The following COL19A1 variants were observed in gnomAD, a reference collection of about 807,000 sequenced individuals.
COL19A1 encodes the protein collagen type XIX alpha 1 chain.
A neutral mutation model predicts 190.2 loss-of-function variants in COL19A1; 159 were observed. That is an observed-to-expected ratio of 0.84 (90% CI 0.73 to 0.95). The LOEUF is 0.95. Among genes scored for constraint, COL19A1 ranks in the 40% least tolerant of loss-of-function variants. COL19A1 has a pLI of 0.00. For missense variants in COL19A1, 1,418 were observed against 1,431.9 expected, an observed-to-expected ratio of 0.99 and a Z score of 0.16; for synonymous variants, 509 against 458.9, an observed-to-expected ratio of 1.11 and a Z score of -1.39.
chr6:70,181,367 G>A (rs1287931404), intron 44 of COL19A1, among the ~76,000 whole-genome samples: 1 of 152,070 alleles, frequency 6.6e-6, no homozygotes, highest in African/African-American at 2.4e-5. Context: ...ATGGTTGAAA[G>A]GATTTTATGA....
chr6:69,909,846 T>C (rs1389860507), intron 4 of COL19A1, among the ~76,000 whole-genome samples: 1 of 152,152 alleles, frequency 6.6e-6, no homozygotes, highest in African/African-American at 2.4e-5. Flanking sequence ...TCTCATATGG[T>C]ATCATATAAT....
chr6:70,016,275 A>G (rs1241804119), intron 11 of COL19A1, among the ~76,000 whole-genome samples: 1 of 61,428 alleles, frequency 1.6e-5, no homozygotes. Flanking sequence ...TAGATGACAC[A>G]TTAGTGGGTG....
chr6:70,187,429 G>A (rs1387732655), intron 46 of COL19A1, among the ~76,000 whole-genome samples: 1 of 131,208 alleles, frequency 7.6e-6, no homozygotes, highest in African/African-American at 2.7e-5. Context: ...GGGGTGGGGA[G>A]AGCACATGAT....
rs148874017 is a variant in COL19A1, at chr6:70,163,683, G to C, written c.2400+287G>C. ...AACCATCTATGTGGAAGGATTGGGT[G>C]GGGGAGCCTCCTGGAAGGATGCAAG... On this transcript the variant is annotated intron_variant, in intron 36 of 50. Coordinates refer to ENST00000620364, the MANE Select transcript of COL19A1 (RefSeq NM_001858.6). Among the ~76,000 whole-genome samples, 233 of 152,296 alleles carry C rather than the reference G, an allele frequency of 1.5e-3. 1 individual carries two copies. Among genetic ancestry groups the C allele is most frequent in the Admixed American group, 2.2e-3 (34 of 15,288 alleles).
At position 70,144,218 on chromosome 6, in the gene COL19A1, A is replaced by G. The variant is rs945546194; in HGVS notation, c.1635A>G (p.Pro545=). 6.2e-7 allele frequency: 1 copy of G among 1,612,420 alleles called. No individual in the cohort carries two copies. Among genetic ancestry groups the G allele is most frequent in the Non-Finnish European group, 8.5e-7 (1 of 1,178,824 alleles). ...AACTCTGAGTTTTCTAGGGATTGCC[A>G]GGAGAACATGGTATCCCAGGAAAAC... ...PRGPPGDVGL[P]GEHGIPGKQG... The change falls in exon 24 of 51, where the codon CCA becomes CCG. Residue 545 remains proline, a synonymous_variant. Coordinates refer to ENST00000620364, the MANE Select transcript of COL19A1 (RefSeq NM_001858.6).
chr6:69,930,824 C>G (rs1772713985), intron 6 of COL19A1, among the ~76,000 whole-genome samples: 1 of 151,936 alleles, frequency 6.6e-6, no homozygotes, highest in Non-Finnish European at 1.5e-5. Flanking sequence ...AACAAACAAA[C>G]AAAAGAATTG....
intron 14 of COL19A1, among the ~76,000 whole-genome samples, chr6:70,065,853 A>G (rs941200912): frequency 2.0e-5 from 3 of 152,236 alleles, no homozygotes; most frequent in African/African-American, 7.2e-5. Context: ...CAGACACATG[A>G]AAAAATGCTC....
chr6:70,156,695 C>A lies in COL19A1; in HGVS notation c.2264C>A (p.Pro755His), dbSNP rs1394292352. 7 of 1,611,380 alleles carry A rather than the reference C, an allele frequency of 4.3e-6. No individual in the cohort carries two copies. The Admixed American group carries it at 1.2e-4, about 27-fold the overall frequency. The change falls in exon 34 of 51, where the codon CCT (proline) becomes CAT (histidine). Residue 755 changes from proline to histidine, a missense_variant. Pro to His is a moderately conservative substitution (Grantham distance 77). Coordinates refer to ENST00000620364, the MANE Select transcript of COL19A1 (RefSeq NM_001858.6). Reference sequence around the variant, plus strand: ...GGAAGCAAAGGAGAGCGGGGCTACCCTGGGATACCTGGGGAGAAAGGCGAT... The same window carrying A: ...GGAAGCAAAGGAGAGCGGGGCTACCATGGGATACCTGGGGAGAAAGGCGAT... The part of the protein sequence containing the change: ...PKGSKGERGY[P>H]GIPGEKGDEG...
chr6:69,912,020 C>T (rs770233197), intron 4 of COL19A1, among the ~76,000 whole-genome samples: 7 of 152,146 alleles, frequency 4.6e-5, no homozygotes, highest in East Asian at 1.9e-4. Context: ...TCATAGTTGC[C>T]GGTGACAGCT....
At position 70,171,941 on chromosome 6, in the gene COL19A1, T is replaced by C. The variant is rs181367096; in HGVS notation, c.2569-23T>C. 2.5e-6 allele frequency: 4 copies of C among 1,611,024 alleles called. 1 individual carries two copies. The Admixed American group carries it at 6.7e-5, about 27-fold the overall frequency. On this transcript the variant is annotated intron_variant, in intron 40 of 50. Transcript: ENST00000620364. ...AAACATTTTGATTATTGCTCCTGCA[T>C]TTCTTATGTTCATATTTAACAGGGA...
At chr6:70,086,892 A>G (rs1333620598) in intron 15 of COL19A1, among the ~76,000 whole-genome samples, 1 of 152,198 alleles carries the variant, frequency 6.6e-6, no homozygotes, top group Non-Finnish European at 1.5e-5. Flanking sequence ...TTGAGCACCT[A>G]TTGTTTGCCA....
Position 70,030,031 on chromosome 6 carries a change from C to T in COL19A1, c.1081-4214C>T, listed in dbSNP as rs149249822. Among the ~76,000 whole-genome samples, 472 of 152,316 alleles carry T rather than the reference C, an allele frequency of 3.1e-3. 1 individual carries two copies. Among genetic ancestry groups the T allele is most frequent in the Middle Eastern group, 6.8e-3 (2 of 294 alleles). ...TGATTATACATAAAAGGCCATTCGT[C>T]TTCTGACTCTGCTGAAATCCACATC... On this transcript the variant is annotated intron_variant, in intron 12 of 50. Coordinates refer to ENST00000620364, the MANE Select transcript of COL19A1 (RefSeq NM_001858.6).
chr6:70,032,012 A>G lies in COL19A1; in HGVS notation c.1081-2233A>G, dbSNP rs145060577. Among the ~76,000 whole-genome samples the G allele has an allele frequency of 2.6e-5, 4 of 152,290 alleles. No individual in the cohort carries two copies. In the East Asian group the frequency reaches 7.7e-4, roughly 29 times the overall value. On this transcript the variant is annotated intron_variant, in intron 12 of 50. Transcript: ENST00000620364. The stretch of plus-strand genomic sequence containing the variant: ...CAATAGGGGAATTGCAATAAGGGAG[A>G]CAGATCAGGTTCAACTCTAACTACA...
intron 46 of COL19A1, 125 bp downstream of exon 46, chr6:70,185,040 G>A (rs1425126175): frequency 1.2e-6 from 1 of 819,154 alleles, no homozygotes; most frequent in Non-Finnish European, 1.8e-6. Flanking sequence ...TAGGGTGTAG[G>A]CGATCAAAGA....
chr6:70,173,697 G>A (rs1036730800), intron 41 of COL19A1, among the ~76,000 whole-genome samples: 4 of 152,006 alleles, frequency 2.6e-5, no homozygotes, highest in African/African-American at 9.7e-5. Context: ...AAGAGAGAAC[G>A]AGGAAAAAAA....
chr6:69,970,142 C>T (rs1442683765), intron 11 of COL19A1, among the ~76,000 whole-genome samples: 3 of 151,980 alleles, frequency 2.0e-5, no homozygotes, highest in Non-Finnish European at 4.4e-5. Context: ...AAAAAAGGGG[C>T]CATTTTATAA....
intron 15 of COL19A1, among the ~76,000 whole-genome samples, chr6:70,074,727 G>C (rs1781776033): frequency 6.8e-6 from 1 of 147,702 alleles, no homozygotes; most frequent in Non-Finnish European, 1.5e-5. Flanking sequence ...TGAATTTATA[G>C]GAAGTAATTT....
intron 15 of COL19A1, among the ~76,000 whole-genome samples, chr6:70,076,393 A>G (rs1240810781): frequency 6.6e-6 from 1 of 152,236 alleles, no homozygotes; most frequent in Admixed American, 6.5e-5. Flanking sequence ...CTTTTAAAAA[A>G]GTTACTTAAA....
intron 25 of COL19A1, among the ~76,000 whole-genome samples, chr6:70,145,334 C>A (rs1786556118): frequency 6.6e-6 from 1 of 152,126 alleles, no homozygotes; most frequent in African/African-American, 2.4e-5. Context: ...CCATGGAATA[C>A]TATGCAGCCA....
Sources: allele counts gnomAD v4.1 joint callset (sites outside exome capture counted in the v4.1 genomes callset), GRCh38; gene constraint gnomAD v4.1.1; transcripts MANE v1.5; gene names NCBI Gene and HGNC (gene_info 2026-07-23, HGNC 2026-07-21).